Variants in CREG2 observed in about 807,000 individuals in gnomAD.
The protein encoded by CREG2 is protein CREG2.
A neutral mutation model predicts 26.2 loss-of-function variants in CREG2; 24 were observed. The observed-to-expected ratio is 0.92, with a 90% CI of 0.66 to 1.29. The LOEUF is 1.29. Among genes scored for constraint, CREG2 ranks in the 50% most tolerant of loss-of-function variants. The probability of loss-of-function intolerance (pLI) is 0.00; values close to 1 mark genes in which losing one functional copy is unlikely to be tolerated. For missense variants in CREG2, 366 were observed against 398.6 expected (o/e 0.92, Z 0.70); for synonymous variants, 174 against 169.2 (o/e 1.03, Z -0.22).
chr2:101,359,752 G>A (rs1260329838), intron 2 of CREG2, among the ~76,000 whole-genome samples: 2 of 152,212 alleles, frequency 1.3e-5, no homozygotes, highest in East Asian at 3.9e-4. Flanking sequence ...CCAAAGGGAA[G>A]GTTAAGCCTA....
intron 2 of CREG2, among the ~76,000 whole-genome samples, chr2:101,370,550 A>C (rs1466574385): frequency 6.6e-6 from 1 of 152,210 alleles, no homozygotes; most frequent in Non-Finnish European, 1.5e-5. Context: ...TGATCCTCAA[A>C]TTAGAAGCCC....
chr2:101,377,200 A>T (rs907464014), intron 2 of CREG2, among the ~76,000 whole-genome samples: 94 of 152,184 alleles, frequency 6.2e-4, no homozygotes, highest in African/African-American at 2.1e-3. Flanking sequence ...TATGAAAAGA[A>T]ATTTTTTTAA....
At chr2:101,383,840 T>C (rs1322432432) in intron 1 of CREG2, 138 bp from the exon 2 acceptor site, 2 of 763,998 alleles carry the variant, frequency 2.6e-6, no homozygotes, top group Non-Finnish European at 4.1e-6. Flanking sequence ...CTCTGACAGG[T>C]AGTAAATCAA....
At chr2:101,357,819 C>T (rs547266928) in intron 2 of CREG2, among the ~76,000 whole-genome samples, 8 of 151,756 alleles carry the variant, frequency 5.3e-5, no homozygotes, top group African/African-American at 1.9e-4. Flanking sequence ...TAGCACCCTA[C>T]CTGAGGTCCT....
chr2:101,381,518 G>A (rs1238222526), intron 2 of CREG2, among the ~76,000 whole-genome samples: 1 of 152,194 alleles, frequency 6.6e-6, no homozygotes, highest in African/African-American at 2.4e-5. Flanking sequence ...CCCATTGCTT[G>A]GTAAGCTTTG....
Position 101,350,892 on chromosome 2 carries a change from T to A in CREG2, c.*31A>T. The A allele has an allele frequency of 1.2e-6, 2 of 1,611,814 alleles. No individual in the cohort carries two copies. Among genetic ancestry groups the A allele is most frequent in the African/African-American group, 1.3e-5 (1 of 74,938 alleles). On this transcript the variant is annotated 3_prime_UTR_variant, in exon 4 of 4. Coordinates refer to ENST00000324768, the MANE Select transcript of CREG2 (RefSeq NM_153836.4). ...ATCACTGAAAAGGTTTTCATTTAAG[T>A]GCAAACACCAAGGACTTTCTTCTCA...
intron 2 of CREG2, among the ~76,000 whole-genome samples, chr2:101,369,599 A>G (rs1684673315): frequency 1.3e-5 from 2 of 152,204 alleles, no homozygotes; most frequent in Non-Finnish European, 2.9e-5. Flanking sequence ...TCTCTCTCCC[A>G]CCAATCTTCT....
chr2:101,377,509 C>T (rs148937246), intron 2 of CREG2, among the ~76,000 whole-genome samples: 1 of 152,142 alleles, frequency 6.6e-6, no homozygotes, highest in East Asian at 1.9e-4. Context: ...TTTTGGGTGG[C>T]CTTTCTTTGT....
chr2:101,350,743 G>C lies in CREG2; in HGVS notation c.*180C>G. The C allele has an allele frequency of 8.1e-6, 5 of 616,798 alleles. No homozygotes were observed. The highest frequency in any genetic ancestry group is 1.4e-5 in the Non-Finnish European group (5 of 351,676). The allele number at this position is 616,798 out of a possible 1,614,324, so 38.2% of individuals were successfully genotyped here. ...CTGTGTGAGTTGGAGATCTGCAAAT[G>C]ACCACTTTAATCTCAAATCTAGCAT... is the stretch of plus-strand genomic sequence containing the variant. On this transcript the variant is annotated 3_prime_UTR_variant, in exon 4 of 4. Coordinates refer to ENST00000324768, the MANE Select transcript of CREG2 (RefSeq NM_153836.4).
chr2:101,353,160 T>G (rs1037730595), intron 3 of CREG2, among the ~76,000 whole-genome samples: 11 of 152,320 alleles, frequency 7.2e-5, no homozygotes, highest in Non-Finnish European at 1.2e-4. Flanking sequence ...ATATTAGACC[T>G]TTGTCAGATG....
intron 3 of CREG2, among the ~76,000 whole-genome samples, chr2:101,354,016 G>C (rs1411864234): frequency 1.3e-5 from 2 of 152,106 alleles, no homozygotes; most frequent in Non-Finnish European, 2.9e-5. Flanking sequence ...CCTAATGTAT[G>C]GGGGACCTTA....
At chr2:101,352,509 A>C (rs1384080470) in intron 3 of CREG2, among the ~76,000 whole-genome samples, 1 of 152,170 alleles carries the variant, frequency 6.6e-6, no homozygotes, top group African/African-American at 2.4e-5. Context: ...GTGAGGGCTT[A>C]TAAAAAGGTA....
chr2:101,387,460 T>C lies in CREG2; in HGVS notation c.-3A>G. 8.9e-7 allele frequency: 1 copy of C among 1,125,424 alleles called. No individual in the cohort carries two copies. The highest frequency in any genetic ancestry group is 1.1e-6 in the Non-Finnish European group (1 of 892,354). The allele number at this position is 1,125,424 out of a possible 1,614,324, so 69.7% of individuals were successfully genotyped here. A position where few individuals can be genotyped will look rare whatever the true frequency, so the allele number is the denominator to read the frequency against. ...CGCCGGCCGCGGCGCACGGACATCTTGCAGGCAGCACGCCCGGCCGCCGGG... is the reference window on the plus strand; with the variant it reads ...CGCCGGCCGCGGCGCACGGACATCTCGCAGGCAGCACGCCCGGCCGCCGGG... On this transcript the variant is annotated 5_prime_UTR_variant, in exon 1 of 4. Transcript: ENST00000324768. This position sits in a 1 kb window ranked among gnomAD's most constrained non-coding sequence, Gnocchi z 4.7.
At chr2:101,366,434 G>T (rs1573308675) in intron 2 of CREG2, among the ~76,000 whole-genome samples, 1 of 152,064 alleles carries the variant, frequency 6.6e-6, no homozygotes, top group Non-Finnish European at 1.5e-5. Flanking sequence ...CATACAGTTG[G>T]CCTTCCACAT....
chr2:101,384,898 T>G (rs954149561), intron 1 of CREG2, among the ~76,000 whole-genome samples: 2 of 152,012 alleles, frequency 1.3e-5, no homozygotes, highest in African/African-American at 2.4e-5. Flanking sequence ...GCCTGGCACC[T>G]TCCCCTCTCT....
intron 2 of CREG2, among the ~76,000 whole-genome samples, chr2:101,379,406 C>T (rs554994105): frequency 9.2e-5 from 14 of 152,316 alleles, no homozygotes; most frequent in Middle Eastern, 3.4e-3. Context: ...TGGCTTCTCA[C>T]GGCTGTGGTT....
rs540326463 is a variant in CREG2, at chr2:101,368,521, T to C, written c.612-13155A>G. On this transcript the variant is annotated intron_variant, in intron 2 of 3. Transcript: ENST00000324768. ...GCAAGAAAGACGTGGTCCTGGCCTC[T>C]GGGGAGCTGCACTCCAGCAGGAGAC... 5.4e-4 allele frequency among the ~76,000 whole-genome samples: 83 copies of C among 152,296 alleles called. No individual in the cohort carries two copies. The South Asian group carries it at 0.014, about 26-fold the overall frequency.
chr2:101,387,355 C>G lies in CREG2; in HGVS notation c.103G>C (p.Val35Leu), dbSNP rs777708287. ...LLSPAAGYVI[V>L]SSVSWAVTNE... Reference sequence around the variant, plus strand: ...GTGACGGCCCAAGACACGGAGCTCACGATCACGTAGCCCGCGGCCGGGGAC... The same window carrying G: ...GTGACGGCCCAAGACACGGAGCTCAGGATCACGTAGCCCGCGGCCGGGGAC... The change falls in exon 1 of 4, where the codon GTG becomes CTG. Residue 35 changes from valine to leucine, a missense_variant. By Grantham distance (32) the Val-to-Leu change is conservative. Transcript: ENST00000324768. The surrounding 1 kb of genome is among the most constrained non-coding windows in gnomAD (Gnocchi z 4.7). The G allele has an allele frequency of 1.3e-6, 2 of 1,486,476 alleles. No homozygotes were observed. Among genetic ancestry groups the G allele is most frequent in the South Asian group, 1.3e-5 (1 of 77,646 alleles). 92.1% of individuals were successfully genotyped at this position (1,486,476 alleles called of 1,614,324 possible). A position where few individuals can be genotyped will look rare whatever the true frequency, so the allele number is the denominator to read the frequency against.
At position 101,348,376 on chromosome 2, in the gene CREG2, A is replaced by G. The variant is rs1401565981; in HGVS notation, c.*2547T>C. ...GATAGGAATTGCATTAAACCTAGAG[A>G]TGGAGATGGGGAGAACTGATATCTT... On this transcript the variant is annotated 3_prime_UTR_variant, in exon 4 of 4. Coordinates refer to ENST00000324768, the MANE Select transcript of CREG2 (RefSeq NM_153836.4). 1 of 152,210 alleles carries G rather than the reference A, an allele frequency of 6.6e-6. No homozygotes were observed. Among genetic ancestry groups the G allele is most frequent in the East Asian group, 1.9e-4 (1 of 5,202 alleles). 9.4% of individuals were successfully genotyped at this position (152,210 alleles called of 1,614,324 possible).
Sources: gnomAD v4.1 joint callset for allele counts (sites outside exome capture counted in the v4.1 genomes callset) on GRCh38, gnomAD v4.1.1 for gene constraint, Gnocchi (gnomAD v3.1) non-coding constraint, MANE v1.5 for transcripts, NCBI Gene and HGNC (gene_info 2026-07-23, HGNC 2026-07-21) for gene names.